Variants in ADGRF4 observed in about 807,000 individuals in gnomAD.
ADGRF4 encodes the protein adhesion G protein-coupled receptor F4, also known as G-protein coupled receptor PGR18.
In ADGRF4, 63 loss-of-function variants were observed where a neutral mutation model predicts 58.5. The ratio of observed to expected loss-of-function variants is 1.08; its 90% CI spans 0.88 to 1.33. The LOEUF (loss-of-function observed/expected upper bound fraction) is 1.33, where lower values mean the gene tolerates loss of function less well. ADGRF4 is among the 40% of genes most tolerant of loss of function. The probability of loss-of-function intolerance (pLI) is 0.00; values close to 1 mark genes in which losing one functional copy is unlikely to be tolerated. For synonymous variants in ADGRF4, 313 were observed against 295.4 expected, an observed-to-expected ratio of 1.06 and a Z score of -0.61; for missense variants, 931 against 843.9, an observed-to-expected ratio of 1.10 and a Z score of -1.28.
chr6:47,714,593 C>T lies in ADGRF4; in HGVS notation c.1348C>T (p.Leu450Phe), dbSNP rs1771962712. 1.9e-6 allele frequency: 3 copies of T among 1,614,112 alleles called. No individual in the cohort carries two copies. Among genetic ancestry groups the T allele is most frequent in the Non-Finnish European group, 1.7e-6 (2 of 1,180,010 alleles). Residue 450 changes from leucine (L) to phenylalanine (F), a missense_variant, in exon 6 of 10, where the codon CTT (leucine) becomes TTT (phenylalanine). Transcript: ENST00000283303. ...HVCIVNIAVSLLTANVWFIIG... is the reference protein window; with the variant it reads ...HVCIVNIAVSFLTANVWFIIG... ...GTGCATCGTGAATATAGCAGTGTCC[C>T]TTCTGACTGCCAATGTGTGGTTTAT... is the stretch of plus-strand genomic sequence containing the variant.
Position 47,714,467 on chromosome 6 carries a change from G to A in ADGRF4, c.1222G>A (p.Gly408Arg). 1 of 1,614,094 alleles carries A rather than the reference G, an allele frequency of 6.2e-7. No homozygotes were observed. The highest frequency in any genetic ancestry group is 8.5e-7 in the Non-Finnish European group (1 of 1,180,018). The change falls in exon 6 of 10, where the codon GGG (glycine) becomes AGG (arginine). Residue 408 changes from glycine to arginine, a missense_variant. Physicochemically the swap from Gly to Arg is moderately radical, Grantham distance 125. Coordinates refer to ENST00000283303, the MANE Select transcript of ADGRF4 (RefSeq NM_153838.5). ...DKVLDYITCI[G>R]LSVSILSLVL... ...AGTTCTGGACTACATCACCTGCATTGGGCTCAGCGTCTCAATCCTAAGCTT... is the reference window on the plus strand; with the variant it reads ...AGTTCTGGACTACATCACCTGCATTAGGCTCAGCGTCTCAATCCTAAGCTT...
rs117959119 is a variant in ADGRF4 at position 47,706,288 on chromosome 6, A to T, written c.-16-942A>T. ...TTTTTGAGATTTGGCTTTGAAAGGT[A>T]GAACTCTCAGGAAAAAGGCAAGAAA... On this transcript the variant is annotated intron_variant, in intron 1 of 9. Transcript: ENST00000283303. 2.6e-4 allele frequency among the ~76,000 whole-genome samples: 39 copies of T among 152,332 alleles called. 1 individual carries two copies. In the East Asian group the frequency reaches 5.8e-3, roughly 23 times the overall value.
chr6:47,702,954 G>T (rs189345532), intron 1 of ADGRF4, among the ~76,000 whole-genome samples: 1 of 152,150 alleles, frequency 6.6e-6, no homozygotes. Context: ...CCATATGAAA[G>T]CTTCTTCTTT....
rs1209739960 is a variant in ADGRF4 at position 47,721,549 on chromosome 6, T to A, written c.*344T>A. 1 of 152,188 alleles carries A rather than the reference T, an allele frequency of 6.6e-6. No homozygotes were observed. Among genetic ancestry groups the A allele is most frequent in the East Asian group, 1.9e-4 (1 of 5,170 alleles). The allele number at this position is 152,188 out of a possible 1,614,324, so 9.4% of individuals were successfully genotyped here. A position where few individuals can be genotyped will look rare whatever the true frequency, so the allele number is the denominator to read the frequency against. On this transcript the variant is annotated 3_prime_UTR_variant, in exon 10 of 10. Transcript: ENST00000283303. ...GGCTGTAGGGCCCTGCTGGGCTTGGTCGTCTTTCACTCCTGAGGCCTGCTC... is the reference window on the plus strand; with the variant it reads ...GGCTGTAGGGCCCTGCTGGGCTTGGACGTCTTTCACTCCTGAGGCCTGCTC...
At chr6:47,708,106 C>A in intron 2 of ADGRF4, 118 bp from the exon 3 acceptor site, 2 of 700,800 alleles carry the variant, frequency 2.9e-6, no homozygotes, top group Non-Finnish European at 5.0e-6. Context: ...TTATCTGCTG[C>A]AGTTTTCTTT....
At chr6:47,717,209 C>T in intron 7 of ADGRF4, 83 bp from the exon 8 acceptor site, 1 of 939,214 alleles carries the variant, frequency 1.1e-6, no homozygotes, top group Non-Finnish European at 1.8e-6. Flanking sequence ...GCCAGGGTTA[C>T]TGGTCTTAAA....
chr6:47,700,109 G>C (rs560281765), intron 1 of ADGRF4, among the ~76,000 whole-genome samples: 73 of 152,320 alleles, frequency 4.8e-4, no homozygotes, highest in Admixed American at 9.8e-4. Flanking sequence ...TTGTGGTACA[G>C]TTCCGGGGAG....
chr6:47,704,572 G>A (rs958149328), intron 1 of ADGRF4, among the ~76,000 whole-genome samples: 1 of 151,878 alleles, frequency 6.6e-6, no homozygotes, highest in Non-Finnish European at 1.5e-5. Flanking sequence ...AATGAGAGAA[G>A]TGAACAATCT....
chr6:47,707,443 G>T, intron 2 of ADGRF4, 105 bp downstream of exon 2: 1 of 756,862 alleles, frequency 1.3e-6, no homozygotes, highest in Admixed American at 1.9e-5. Context: ...ATTTTCAAAT[G>T]GTTACAACTT....
rs201724495 is a variant in ADGRF4, at chr6:47,713,786, T to C, written c.553-12T>C. 3.2e-5 allele frequency: 49 copies of C among 1,513,558 alleles called. No homozygotes were observed. Among genetic ancestry groups the C allele is most frequent in the Middle Eastern group, 3.6e-4 (2 of 5,610 alleles). The allele number at this position is 1,513,558 out of a possible 1,614,324, so 93.8% of individuals were successfully genotyped here. On this transcript the variant is annotated splice_polypyrimidine_tract_variant and intron_variant, in intron 5 of 9. Transcript: ENST00000283303. Reference sequence around the variant, plus strand: ...AAATCCTTAGTATAATGTTCACCTTTCTCCATTGCAGAGCTATAGTGAAGT... The same window carrying C: ...AAATCCTTAGTATAATGTTCACCTTCCTCCATTGCAGAGCTATAGTGAAGT...
intron 6 of ADGRF4, among the ~76,000 whole-genome samples, chr6:47,716,105 A>G (rs1172973773): frequency 3.9e-5 from 6 of 151,910 alleles, no homozygotes; most frequent in Non-Finnish European, 2.9e-5. Context: ...ACCCTGGGAA[A>G]TTTTGCTCTG....
rs1771591463 is a variant in ADGRF4, at chr6:47,701,731, G to A, written c.-17+2937G>A. Among the ~76,000 whole-genome samples the A allele has an allele frequency of 2.6e-5, 4 of 152,186 alleles. No homozygotes were observed. The South Asian group carries it at 8.3e-4, about 32-fold the overall frequency. ...AGGTAGATGCCCAACAAATACATGT[G>A]TAGCCTAAGTCTGGATAGATTAATG... is the stretch of plus-strand genomic sequence containing the variant. On this transcript the variant is annotated intron_variant, in intron 1 of 9. Transcript: ENST00000283303.
At chr6:47,710,670 C>T in intron 3 of ADGRF4, 65 bp from the exon 4 acceptor site, 7 of 1,482,000 alleles carry the variant, frequency 4.7e-6, no homozygotes, top group Non-Finnish European at 6.4e-6. Flanking sequence ...TTTGATGCAC[C>T]TGTCAAAATG....
chr6:47,708,880 T>C (rs1771791330), intron 3 of ADGRF4, among the ~76,000 whole-genome samples: 1 of 152,156 alleles, frequency 6.6e-6, no homozygotes, highest in Admixed American at 6.5e-5. Flanking sequence ...GAGAGAAAGG[T>C]AACTAACATT....
In ADGRF4 at chr6:47,707,223, A is replaced by G. The variant is rs775109568; in HGVS notation, c.-16-7A>G. ...TCAGGTGGGTATGCCTTCTTTCTCT[A>G]TTGCAGGTGAAGATCCTCATGTATG... On this transcript the variant is annotated splice_region_variant and splice_polypyrimidine_tract_variant and intron_variant, in intron 1 of 9. Transcript: ENST00000283303. The G allele has an allele frequency of 3.3e-6, 5 of 1,499,886 alleles. No homozygotes were observed. In the African/African-American group the frequency reaches 5.5e-5, roughly 17 times the overall value. The allele number at this position is 1,499,886 out of a possible 1,614,324, so 92.9% of individuals were successfully genotyped here.
intron 1 of ADGRF4, among the ~76,000 whole-genome samples, chr6:47,699,938 C>G (rs952727724): frequency 6.6e-6 from 1 of 151,368 alleles, no homozygotes; most frequent in Admixed American, 6.6e-5. Flanking sequence ...GACACACCCC[C>G]CCCCCCAAAA....
chr6:47,714,573 T>C lies in ADGRF4; in HGVS notation c.1328T>C (p.Ile443Thr), dbSNP rs1771961957. Reference protein sequence around the residue: ...TEISYMRHVCIVNIAVSLLTA... With the variant: ...TEISYMRHVCTVNIAVSLLTA... ...ATATCATACATGCGTCACGTGTGCA[T>C]CGTGAATATAGCAGTGTCCCTTCTG... Residue 443 changes from isoleucine to threonine, a missense_variant, in exon 6 of 10, where the codon ATC becomes ACC. Physicochemically the swap from Ile to Thr is moderately conservative, Grantham distance 89. Coordinates refer to ENST00000283303, the MANE Select transcript of ADGRF4 (RefSeq NM_153838.5). 5 of 1,613,962 alleles carry C rather than the reference T, an allele frequency of 3.1e-6. No homozygotes were observed. The highest frequency in any genetic ancestry group is 4.2e-6 in the Non-Finnish European group (5 of 1,179,986).
intron 1 of ADGRF4, among the ~76,000 whole-genome samples, chr6:47,703,463 T>C (rs1771635581): frequency 6.6e-6 from 1 of 152,220 alleles, no homozygotes; most frequent in African/African-American, 2.4e-5. Flanking sequence ...AAAATGTCTA[T>C]CTAATCCATC....
chr6:47,703,554 G>A (rs1228095602), intron 1 of ADGRF4, among the ~76,000 whole-genome samples: 2 of 152,256 alleles, frequency 1.3e-5, no homozygotes, highest in East Asian at 3.9e-4. Context: ...CCCAACATTT[G>A]TAATATCGGA....
Sources: gnomAD v4.1 joint callset for allele counts (sites outside exome capture counted in the v4.1 genomes callset) on GRCh38, gnomAD v4.1.1 for gene constraint, MANE v1.5 for transcripts, NCBI Gene and HGNC (gene_info 2026-07-23, HGNC 2026-07-21) for gene names.